Variants in RINT1 observed in about 807,000 individuals in gnomAD.
RINT1 encodes RAD50-interacting protein 1.
Under a neutral mutation model 97.7 loss-of-function variants are expected in RINT1, and 75 were observed. That is an observed-to-expected ratio of 0.77 (90% confidence interval 0.64 to 0.93). RINT1 has a LOEUF of 0.93. Among genes scored for constraint, RINT1 ranks in the 40% least tolerant of loss-of-function variants. The probability of loss-of-function intolerance (pLI) is 0.00; values close to 1 mark genes in which losing one functional copy is unlikely to be tolerated. For missense variants in RINT1, 892 were observed against 925.2 expected (o/e 0.96, Z 0.47); for synonymous variants, 303 against 326.3 (o/e 0.93, Z 0.77).
At position 105,563,326 on chromosome 7, in the gene RINT1, T is replaced by C. The variant is rs114945929; in HGVS notation, c.1672-407T>C. 9.4e-3 allele frequency among the ~76,000 whole-genome samples: 1,434 copies of C among 152,274 alleles called. 15 individuals carry two copies. The highest frequency in any genetic ancestry group is 0.033 in the African/African-American group (1,379 of 41,550). On this transcript the variant is annotated intron_variant, in intron 11 of 14. Coordinates refer to ENST00000257700, the MANE Select transcript of RINT1 (RefSeq NM_021930.6). ...GAAAATGTTCTAAAATTGTGATGGATATACAACTGAATATATAAAAAAATC... is the reference window on the plus strand; with the variant it reads ...GAAAATGTTCTAAAATTGTGATGGACATACAACTGAATATATAAAAAAATC...
chr7:105,542,697 T>G (rs1790508994), intron 4 of RINT1, 48 bp downstream of exon 4: 3 of 1,596,678 alleles, frequency 1.9e-6, no homozygotes, highest in East Asian at 4.5e-5. Flanking sequence ...CCTTTGAGGC[T>G]TCTGTCTTAG....
rs773114714 is a variant in RINT1, at chr7:105,542,660, C to T, written c.515+11C>T. ...AATTGAAGAACTAAGGTAAAATGGG[C>T]CTCTTTGTTCTCACAATTACTATTT... On this transcript the variant is annotated intron_variant, in intron 4 of 14. Transcript: ENST00000257700. 23 of 1,610,194 alleles carry T rather than the reference C, an allele frequency of 1.4e-5. No homozygotes were observed. The highest frequency in any genetic ancestry group is 2.0e-5 in the Non-Finnish European group (23 of 1,178,052).
intron 11 of RINT1, 24 bp from the exon 12 acceptor site, chr7:105,563,709 G>C (rs1372169354): frequency 6.4e-7 from 1 of 1,563,362 alleles, no homozygotes; most frequent in Non-Finnish European, 8.8e-7. Flanking sequence ...GTATGCTAAT[G>C]TGTTAACATG....
At chr7:105,546,189 G>A (rs1426208534) in intron 4 of RINT1, among the ~76,000 whole-genome samples, 1 of 152,146 alleles carries the variant, frequency 6.6e-6, no homozygotes, top group African/African-American at 2.4e-5. Flanking sequence ...TGTAACAATT[G>A]AAGACCATCA....
At position 105,550,419 on chromosome 7, in the gene RINT1, T is replaced by C. The variant is rs1468240230; in HGVS notation, c.1266T>C (p.Phe422=). The change falls in exon 9 of 15, where the codon TTT becomes TTC. Residue 422 remains phenylalanine (F), a synonymous_variant. Coordinates refer to ENST00000257700, the MANE Select transcript of RINT1 (RefSeq NM_021930.6). ...GTGTTCATGGCTATCCTGGCACTTTTGCTAGTTGTATGCATATTCTATCAG... is the reference window on the plus strand; with the variant it reads ...GTGTTCATGGCTATCCTGGCACTTTCGCTAGTTGTATGCATATTCTATCAG... ...LHSVHGYPGT[F]ASCMHILSEE... The C allele has an allele frequency of 1.9e-6, 3 of 1,614,206 alleles. No individual in the cohort carries two copies. The highest frequency in any genetic ancestry group is 1.7e-5 in the Admixed American group (1 of 60,018).
chr7:105,556,520 CTT>C (rs1176047287), intron 11 of RINT1, among the ~76,000 whole-genome samples: 4 of 146,256 alleles, frequency 2.7e-5, no homozygotes, highest in African/African-American at 1.0e-4. Context: ...GGTAAGAACT[CTT>C]TTAAAAAAAA....
At chr7:105,556,692 A>T (rs992007821) in intron 11 of RINT1, among the ~76,000 whole-genome samples, 5 of 63,560 alleles carry the variant, frequency 7.9e-5, no homozygotes, top group African/African-American at 2.8e-4. Context: ...GATTCTGACA[A>T]GATTTGATCT....
chr7:105,549,291 C>G (rs1347891099), intron 7 of RINT1, among the ~76,000 whole-genome samples: 5 of 150,922 alleles, frequency 3.3e-5, no homozygotes, highest in Non-Finnish European at 5.9e-5. Context: ...CTGGCATGTA[C>G]TTGGTATTTC....
At position 105,532,304 on chromosome 7, in the gene RINT1, C is replaced by T. The variant is rs1790064899; in HGVS notation, c.-12C>T. 3 of 1,578,570 alleles carry T rather than the reference C, an allele frequency of 1.9e-6. No homozygotes were observed. Among genetic ancestry groups the T allele is most frequent in the Admixed American group, 1.8e-5 (1 of 55,664 alleles). On this transcript the variant is annotated 5_prime_UTR_variant, in exon 1 of 15. Coordinates refer to ENST00000257700, the MANE Select transcript of RINT1 (RefSeq NM_021930.6). The stretch of plus-strand genomic sequence containing the variant: ...GGCTGCGAATGGAGCCGAGGACTCG[C>T]GCGGAGGCGAGATGCTACCAGCCGG...
intron 4 of RINT1, 33 bp downstream of exon 4, chr7:105,542,682 A>G (rs1480137619): frequency 5.6e-6 from 9 of 1,603,408 alleles, no homozygotes; most frequent in African/African-American, 1.3e-5. Flanking sequence ...CACAATTACT[A>G]TTTTCCTTTG....
rs760779859 is a variant in RINT1, at chr7:105,567,109, C to A, written c.2187-10C>A. The A allele has an allele frequency of 2.0e-6, 3 of 1,510,916 alleles. No individual in the cohort carries two copies. Among genetic ancestry groups the A allele is most frequent in the Middle Eastern group, 3.5e-4 (2 of 5,662 alleles). 93.6% of individuals were successfully genotyped at this position (1,510,916 alleles called of 1,614,324 possible). A position where few individuals can be genotyped will look rare whatever the true frequency, so the allele number is the denominator to read the frequency against. ...AGATCTCATTTCCCTCCTTTGTTTT[C>A]CCTAAACAGTATAAAAGAAGCCTGT... On this transcript the variant is annotated splice_polypyrimidine_tract_variant and intron_variant, in intron 14 of 14. Transcript: ENST00000257700.
rs1196240712 is a variant in RINT1 at position 105,532,884 on chromosome 7, A to G, written c.88+15A>G. On this transcript the variant is annotated intron_variant, in intron 2 of 14. Coordinates refer to ENST00000257700, the MANE Select transcript of RINT1 (RefSeq NM_021930.6). ...CGAGGAGAAAAGTAAGCCAGCTCCA[A>G]ACACCTTAGCTTTTTCTTCCCGCCC... The G allele has an allele frequency of 6.2e-7, 1 of 1,613,736 alleles. No individual in the cohort carries two copies.
intron 1 of RINT1, 94 bp downstream of exon 1, chr7:105,532,451 T>C (rs1443568757): frequency 4.3e-6 from 6 of 1,379,870 alleles, no homozygotes; most frequent in Non-Finnish European, 6.0e-6. Flanking sequence ...GCGGTGGCCC[T>C]GTAAGCTTGT....
intron 9 of RINT1, 41 bp from the exon 10 acceptor site, chr7:105,551,529 G>A (rs758804595): frequency 2.0e-6 from 3 of 1,514,046 alleles, no homozygotes; most frequent in Admixed American, 4.4e-5. Context: ...AGGAACGACT[G>A]TAACTACTTA....
chr7:105,539,399 T>C (rs570315320), intron 3 of RINT1, among the ~76,000 whole-genome samples: 11 of 150,914 alleles, frequency 7.3e-5, no homozygotes, highest in Admixed American at 2.0e-4. Flanking sequence ...TCACTCTTGT[T>C]GCCCAGGCTG....
At chr7:105,559,598 A>G (rs893571304) in intron 11 of RINT1, among the ~76,000 whole-genome samples, 9 of 150,416 alleles carry the variant, frequency 6.0e-5, no homozygotes, top group African/African-American at 2.0e-4. Flanking sequence ...GCGGACGCCT[A>G]TAATCCCAGC....
At chr7:105,540,452 G>A (rs1790410669) in intron 3 of RINT1, among the ~76,000 whole-genome samples, 1 of 152,062 alleles carries the variant, frequency 6.6e-6, no homozygotes, top group Admixed American at 6.6e-5. Context: ...ATTAGAGACG[G>A]GGTTTCACCA....
At chr7:105,560,830 C>T (rs1032086318) in intron 11 of RINT1, among the ~76,000 whole-genome samples, 1 of 151,986 alleles carries the variant, frequency 6.6e-6, no homozygotes, top group Non-Finnish European at 1.5e-5. Flanking sequence ...AAGTTATTCT[C>T]CTGCCTCAGC....
At chr7:105,559,395 G>A (rs538245728) in intron 11 of RINT1, among the ~76,000 whole-genome samples, 2 of 152,006 alleles carry the variant, frequency 1.3e-5, no homozygotes, top group Non-Finnish European at 2.9e-5. Context: ...ACAAAAACTA[G>A]CCAGGCATGG....
Sources: allele counts gnomAD v4.1 joint callset (sites outside exome capture counted in the v4.1 genomes callset), GRCh38; gene constraint gnomAD v4.1.1; transcripts MANE v1.5; gene names NCBI Gene and HGNC (gene_info 2026-07-23, HGNC 2026-07-21).